The following RASGEF1B variants were observed in gnomAD, a reference collection of about 807,000 sequenced individuals.
RASGEF1B encodes the protein RasGEF domain family member 1B, also known as ras-GEF domain-containing family member 1B.
RASGEF1B carries 30 observed loss-of-function variants against 65.7 expected under a neutral mutation model. The ratio of observed to expected loss-of-function variants is 0.46; its 90% confidence interval spans 0.34 to 0.62. The LOEUF (loss-of-function observed/expected upper bound fraction) is 0.62. RASGEF1B is among the 20% of genes least tolerant of loss of function. The pLI, the probability that RASGEF1B is intolerant of heterozygous loss-of-function variation, is 0.01. For missense variants in RASGEF1B, 495 were observed against 580.1 expected (o/e 0.85, Z 1.51); for synonymous variants, 175 against 194.8 (o/e 0.90, Z 0.85).
At chr4:81,427,824 G>C (rs1438472254) in intron 13 of RASGEF1B, 32 bp from the exon 14 acceptor site, 1 of 1,603,076 alleles carries the variant, frequency 6.2e-7, no homozygotes, top group Admixed American at 1.7e-5. Context: ...ACCTAAGACA[G>C]AATGTAACAG....
At chr4:81,442,102 C>G (rs749433907) in intron 9 of RASGEF1B, among the ~76,000 whole-genome samples, 195 bp downstream of exon 9, 3 of 152,208 alleles carry the variant, frequency 2.0e-5, no homozygotes, top group Non-Finnish European at 4.4e-5. Context: ...ATGGACATCT[C>G]TACCTATAAA....
At chr4:81,471,057 G>A (rs530498831) in intron 1 of RASGEF1B, 5 of 152,198 alleles carry the variant, frequency 3.3e-5, no homozygotes, top group Admixed American at 3.3e-4. Flanking sequence ...CAGGTGACCC[G>A]AGGCGACTCA....
Position 81,457,136 on chromosome 4 carries a change from C to A in RASGEF1B, c.301-348G>T, listed in dbSNP as rs139959662. ...GGTTCAAGCGATTCTCCTGCCTCAG[C>A]CTCCTGGGTAGCTGGGATTACAGGC... On this transcript the variant is annotated intron_variant, in intron 3 of 13. Coordinates refer to ENST00000264400, the MANE Select transcript of RASGEF1B (RefSeq NM_152545.3). 9.9e-4 allele frequency among the ~76,000 whole-genome samples: 151 copies of A among 152,296 alleles called. 1 individual carries two copies. The highest frequency in any genetic ancestry group is 5.8e-4 in the East Asian group (3 of 5,174).
At position 81,427,045 on chromosome 4, in the gene RASGEF1B, C is replaced by T. The variant is rs1721252044; in HGVS notation, c.*723G>A. ...GCATGTTAAGCAGTCCAATGACAAA[C>T]TCTGCTTTTTATTTTCTTTCTAGTG... On this transcript the variant is annotated 3_prime_UTR_variant, in exon 14 of 14. Transcript: ENST00000264400. The T allele has an allele frequency of 7.7e-6, 1 of 130,038 alleles. No homozygotes were observed. The highest frequency in any genetic ancestry group is 2.7e-4 in the South Asian group (1 of 3,768). 8.1% of individuals were successfully genotyped at this position (130,038 alleles called of 1,614,324 possible).
At chr4:81,456,205 C>T (rs1560707485) in intron 4 of RASGEF1B, 3 of 398,634 alleles carry the variant, frequency 7.5e-6, no homozygotes, top group African/African-American at 4.2e-5. Flanking sequence ...TGCCATGGCC[C>T]AGAATGTCTA....
At chr4:81,471,671 G>GA (rs1045609598) in intron 1 of RASGEF1B, 99 bp downstream of exon 1, 1 of 152,634 alleles carries the variant, frequency 6.6e-6, no homozygotes, top group African/African-American at 2.4e-5. Flanking sequence ...GCGGCCCAGG[G>GA]ATCTCCAGGG....
chr4:81,444,677 C>G (rs996894586), intron 8 of RASGEF1B, among the ~76,000 whole-genome samples: 4 of 152,182 alleles, frequency 2.6e-5, no homozygotes, highest in African/African-American at 9.7e-5. Flanking sequence ...GCTGGGATTA[C>G]AGGCATGTGC....
intron 3 of RASGEF1B, 133 bp from the exon 4 acceptor site, chr4:81,456,921 C>T (rs987678374): frequency 2.6e-6 from 2 of 757,564 alleles, no homozygotes; most frequent in African/African-American, 1.8e-5. Context: ...CTCCAGCCCC[C>T]CTCCCTCCAT....
intron 8 of RASGEF1B, among the ~76,000 whole-genome samples, chr4:81,444,756 C>CG (rs1721960438): frequency 6.6e-6 from 1 of 152,106 alleles, no homozygotes; most frequent in Non-Finnish European, 1.5e-5. Context: ...AGGGTGGTCT[C>CG]GATCTCCTGA....
chr4:81,470,159 A>G (rs1722971405), intron 1 of RASGEF1B, among the ~76,000 whole-genome samples: 2 of 152,162 alleles, frequency 1.3e-5, no homozygotes, highest in Admixed American at 1.3e-4. Context: ...CTTTAATGAT[A>G]GGGTTTAACA....
At chr4:81,439,605 G>A (rs1280786297) in intron 10 of RASGEF1B, among the ~76,000 whole-genome samples, 2 of 152,188 alleles carry the variant, frequency 1.3e-5, no homozygotes, top group Non-Finnish European at 1.5e-5. Context: ...CTGCAACACA[G>A]AGAAGGTGAA....
chr4:81,446,222 A>G (rs1166019591), intron 6 of RASGEF1B, among the ~76,000 whole-genome samples: 2 of 152,122 alleles, frequency 1.3e-5, no homozygotes, highest in East Asian at 3.9e-4. Flanking sequence ...TAAATATACA[A>G]AAAATTAGCT....
chr4:81,466,564 C>A (rs370752462), intron 1 of RASGEF1B, among the ~76,000 whole-genome samples: 1 of 151,724 alleles, frequency 6.6e-6, no homozygotes, highest in African/African-American at 2.4e-5. Flanking sequence ...TCGAGACCAT[C>A]CTGGCTAACA....
intron 4 of RASGEF1B, chr4:81,451,693 A>G (rs1178261384): frequency 1.3e-5 from 2 of 152,244 alleles, no homozygotes; most frequent in Non-Finnish European, 2.9e-5. Context: ...ATTTTCCCAC[A>G]GAATGGGATT....
At chr4:81,436,496 A>C (rs755036951) in intron 10 of RASGEF1B, among the ~76,000 whole-genome samples, 36 of 152,224 alleles carry the variant, frequency 2.4e-4, no homozygotes, top group Non-Finnish European at 4.4e-4. Context: ...TAAAGCAATA[A>C]TCTCTCAGTA....
Position 81,456,722 on chromosome 4 carries a change from A to C in RASGEF1B, c.367T>G (p.Tyr123Asp). ...LLTEWTETFPYDFRDERMMRN... is the reference protein window; with the variant it reads ...LLTEWTETFPDDFRDERMMRN... ...ATCATTCTTTCATCCCGAAAATCAT[A>C]GGGAAATGTTTCCGTCCATTCCGTG... The change falls in exon 4 of 14, where the codon TAT becomes GAT. Residue 123 changes from tyrosine to aspartate, a missense_variant. Transcript: ENST00000264400. The C allele has an allele frequency of 6.2e-7, 1 of 1,614,082 alleles. No individual in the cohort carries two copies. The highest frequency in any genetic ancestry group is 8.5e-7 in the Non-Finnish European group (1 of 1,179,892).
chr4:81,468,507 C>G (rs1722924710), intron 1 of RASGEF1B, among the ~76,000 whole-genome samples: 1 of 151,736 alleles, frequency 6.6e-6, no homozygotes, highest in Non-Finnish European at 1.5e-5. Context: ...AAATATAAAC[C>G]TAAGAAAAAA....
At chr4:81,437,715 T>C (rs1399769674) in intron 10 of RASGEF1B, among the ~76,000 whole-genome samples, 2 of 152,202 alleles carry the variant, frequency 1.3e-5, no homozygotes, top group African/African-American at 2.4e-5. Flanking sequence ...CACTCTTTCA[T>C]AGAAATAGAA....
intron 5 of RASGEF1B, among the ~76,000 whole-genome samples, chr4:81,447,791 A>G (rs897514035): frequency 2.0e-5 from 3 of 152,192 alleles, no homozygotes; most frequent in African/African-American, 7.2e-5. Flanking sequence ...AAGGCTGAGC[A>G]GGTTTTGGAA....
Sources: gnomAD v4.1 joint callset for allele counts (sites outside exome capture counted in the v4.1 genomes callset) on GRCh38, gnomAD v4.1.1 for gene constraint, MANE v1.5 for transcripts, NCBI Gene and HGNC (gene_info 2026-07-23, HGNC 2026-07-21) for gene names.